ADGRL2: variants seen among roughly 807,000 people sequenced by gnomAD.
The protein encoded by ADGRL2 is adhesion G protein-coupled receptor L2.
Under a neutral mutation model 157.4 loss-of-function variants are expected in ADGRL2, and 44 were observed. That is an observed-to-expected ratio of 0.28 (90% CI 0.22 to 0.36). The LOEUF (loss-of-function observed/expected upper bound fraction) is 0.36. ADGRL2 is among the 10% of genes least tolerant of loss of function. ADGRL2 has a pLI of 1.00. For synonymous variants in ADGRL2, 585 were observed against 624.7 expected (o/e 0.94, Z 0.95); for missense variants, 1,510 against 1,768.9 (o/e 0.85, Z 2.63).
At position 81,858,982 on chromosome 1, in the gene ADGRL2, G is replaced by A. The variant is rs137895752; in HGVS notation, c.73+21925G>A. Among the ~76,000 whole-genome samples, 303 of 152,230 alleles carry A rather than the reference G, an allele frequency of 2.0e-3. 2 individuals are homozygous for A. Among genetic ancestry groups the A allele is most frequent in the South Asian group, 4.1e-4 (2 of 4,824 alleles). On this transcript the variant is annotated intron_variant, in intron 2 of 23. Transcript: ENST00000686636. The stretch of plus-strand genomic sequence containing the variant: ...TACTACATATTGGACAGTGTTGACT[G>A]AGTAAATGTAATTTTGATATATACC...
intron 2 of ADGRL2, among the ~76,000 whole-genome samples, chr1:81,887,222 G>A (rs2094147345): frequency 6.6e-6 from 1 of 152,182 alleles, no homozygotes; most frequent in East Asian, 1.9e-4. Flanking sequence ...AATGTGTATT[G>A]AGAATGTGCA....
chr1:81,436,845 G>A (rs573786598), intron 1 of ADGRL2, among the ~76,000 whole-genome samples: 88 of 152,310 alleles, frequency 5.8e-4, no homozygotes, highest in African/African-American at 1.7e-3. Flanking sequence ...ATCAGATACC[G>A]TATTGGCATT....
At chr1:81,710,626 T>TAAAAAAAAAAAA (rs373944276) in intron 1 of ADGRL2, among the ~76,000 whole-genome samples, 1 of 132,474 alleles carries the variant, frequency 7.5e-6, no homozygotes. Flanking sequence ...CTCAAAAAAT[T>TAAAAAAAAAAAA]AAAAAAAAAA....
intron 1 of ADGRL2, among the ~76,000 whole-genome samples, chr1:81,422,602 A>G (rs1240949769): frequency 6.6e-6 from 1 of 152,252 alleles, no homozygotes; most frequent in Non-Finnish European, 1.5e-5. Flanking sequence ...AACATTACAG[A>G]AAACTATATG....
intron 2 of ADGRL2, among the ~76,000 whole-genome samples, chr1:81,539,890 C>T (rs2079840640): frequency 6.6e-6 from 1 of 151,824 alleles, no homozygotes; most frequent in African/African-American, 2.4e-5. Context: ...TCTTACATCC[C>T]TTACTCTAGA....
At chr1:81,958,747 C>T (rs1370253685) in intron 11 of ADGRL2, among the ~76,000 whole-genome samples, 3 of 152,066 alleles carry the variant, frequency 2.0e-5, no homozygotes, top group Admixed American at 1.3e-4. Context: ...TTTCTGTGTC[C>T]TCAGATGGGC....
chr1:81,326,537 C>T (rs1570627206), intron 1 of ADGRL2, among the ~76,000 whole-genome samples: 2 of 152,152 alleles, frequency 1.3e-5, no homozygotes, highest in South Asian at 4.1e-4. Flanking sequence ...ATCAATTGAT[C>T]TCTAGGACTC....
chr1:81,805,445 A>AATATGAATTGATATGAATTG (rs2088970205), intron 1 of ADGRL2, among the ~76,000 whole-genome samples: 1 of 152,008 alleles, frequency 6.6e-6, no homozygotes, highest in Non-Finnish European at 1.5e-5. Context: ...GTTGCTTTTG[A>AATATGAATTGATATGAATTG]ATATGAATTG....
intron 1 of ADGRL2, among the ~76,000 whole-genome samples, chr1:81,339,492 C>T (rs1661902702): frequency 6.6e-6 from 1 of 152,094 alleles, no homozygotes; most frequent in African/African-American, 2.4e-5. Context: ...TTCCCAGTTC[C>T]TACCACAGTG....
At chr1:81,935,044 G>C (rs1342127) in intron 3 of ADGRL2, among the ~76,000 whole-genome samples, 5,224 of 151,986 alleles carry the variant, frequency 0.034, 124 homozygotes, top group South Asian at 0.12. Flanking sequence ...ATATTTATTA[G>C]TTGGGAACAT....
At chr1:81,958,736 A>G (rs900129243) in intron 11 of ADGRL2, among the ~76,000 whole-genome samples, 1 of 152,144 alleles carries the variant, frequency 6.6e-6, no homozygotes, top group Non-Finnish European at 1.5e-5. Context: ...GCATGGTGAT[A>G]TTTCTGTGTC....
At chr1:81,753,504 G>A (rs1411369565) in intron 1 of ADGRL2, among the ~76,000 whole-genome samples, 3 of 152,154 alleles carry the variant, frequency 2.0e-5, no homozygotes, top group Non-Finnish European at 4.4e-5. Context: ...ACAAACATAG[G>A]TAAAATGAGA....
intron 1 of ADGRL2, among the ~76,000 whole-genome samples, chr1:81,320,910 A>G (rs541928408): frequency 1.2e-4 from 18 of 152,342 alleles, no homozygotes; most frequent in African/African-American, 3.6e-4. Context: ...TGTTCTCTGA[A>G]GCTTTGAAGC....
At chr1:81,679,858 A>G (rs1028165713) in intron 3 of ADGRL2, among the ~76,000 whole-genome samples, 2 of 152,182 alleles carry the variant, frequency 1.3e-5, no homozygotes, top group African/African-American at 4.8e-5. Flanking sequence ...CACTAAGCAG[A>G]GACCAAAAAA....
At chr1:81,594,369 A>G (rs2081191016) in intron 3 of ADGRL2, among the ~76,000 whole-genome samples, 1 of 152,238 alleles carries the variant, frequency 6.6e-6, no homozygotes, top group Non-Finnish European at 1.5e-5. Context: ...AAGAATTCAA[A>G]GTGGAAATGC....
chr1:81,503,009 C>A, intron 2 of ADGRL2: 1 of 1,612,682 alleles, frequency 6.2e-7, no homozygotes, highest in Non-Finnish European at 8.5e-7. Context: ...GTGCCCGTGA[C>A]CTTGGCAAGC....
At chr1:81,792,441 G>C (rs1207863544) in intron 2 of ADGRL2, among the ~76,000 whole-genome samples, 2 of 152,006 alleles carry the variant, frequency 1.3e-5, no homozygotes, top group African/African-American at 4.8e-5. Context: ...CAAATATATA[G>C]ATGCAGACAT....
intron 3 of ADGRL2, among the ~76,000 whole-genome samples, chr1:81,908,878 CT>C (rs35920325): frequency 0.77 from 109,421 of 141,300 alleles, 42,283 homozygotes; most frequent in East Asian, 0.93. Flanking sequence ...TTTTTTCTTT[CT>C]TTTTTTTTTT....
At chr1:81,476,025 G>A (rs2078264574) in intron 2 of ADGRL2, among the ~76,000 whole-genome samples, 1 of 152,162 alleles carries the variant, frequency 6.6e-6, no homozygotes, top group African/African-American at 2.4e-5. Context: ...TTCCATAGGT[G>A]TCAGGGAATC....
Sources: gnomAD v4.1 joint callset for allele counts (sites outside exome capture counted in the v4.1 genomes callset) on GRCh38, gnomAD v4.1.1 for gene constraint, MANE v1.5 for transcripts, NCBI Gene and HGNC (gene_info 2026-07-23, HGNC 2026-07-21) for gene names.